PALM2AKAP2: variants seen among roughly 807,000 people sequenced by gnomAD.
The protein encoded by PALM2AKAP2 is PALM2-AKAP2 fusion protein.
In PALM2AKAP2, 37 loss-of-function variants were observed where a neutral mutation model predicts 71.5. The observed-to-expected ratio is 0.52, with a 90% CI of 0.40 to 0.68. The LOEUF is 0.68. Ranked by LOEUF, PALM2AKAP2 falls within the 30% of genes least tolerant of loss-of-function variation. The pLI is 0.00. For synonymous variants in PALM2AKAP2, 468 were observed against 478.8 expected (o/e 0.98, Z 0.29); for missense variants, 1,224 against 1,191.8 (o/e 1.03, Z -0.40).
chr9:110,137,171 G>A, exon 2 of PALM2AKAP2: 4 of 1,613,812 alleles, frequency 2.5e-6, no homozygotes, highest in Non-Finnish European at 3.4e-6. Context: ...GATTGACAAA[G>A]CAAAGGAGGA....
intron 7 of PALM2AKAP2, among the ~76,000 whole-genome samples, chr9:110,023,342 T>C (rs1333594685): frequency 7.2e-6 from 1 of 138,150 alleles, no homozygotes; most frequent in Non-Finnish European, 1.5e-5. Context: ...GAGATGGAGT[T>C]TCGCTCTTGT....
intron 1 of PALM2AKAP2, among the ~76,000 whole-genome samples, chr9:109,690,499 A>G: frequency 6.6e-6 from 1 of 152,296 alleles, no homozygotes; most frequent in East Asian, 1.9e-4. Flanking sequence ...TAATTTTGAA[A>G]TGGTCTTCTA....
intron 1 of PALM2AKAP2, among the ~76,000 whole-genome samples, chr9:109,832,651 A>G (rs1051751699): frequency 6.6e-6 from 1 of 152,202 alleles, no homozygotes; most frequent in Admixed American, 6.5e-5. Flanking sequence ...AGATGCCTTA[A>G]AAGACTTTTA....
At chr9:109,968,552 G>A (rs537450805) in intron 6 of PALM2AKAP2, among the ~76,000 whole-genome samples, 9 of 152,272 alleles carry the variant, frequency 5.9e-5, no homozygotes, top group African/African-American at 2.2e-4. Flanking sequence ...TGGCCACTCT[G>A]TTGGGTTTCA....
intron 1 of PALM2AKAP2, among the ~76,000 whole-genome samples, chr9:110,103,484 A>G (rs1835048125): frequency 6.6e-6 from 1 of 152,220 alleles, no homozygotes; most frequent in Non-Finnish European, 1.5e-5. Context: ...TCTCACTTCA[A>G]GTTTCCACAC....
chr9:109,927,588 C>G (rs888075562), intron 5 of PALM2AKAP2, among the ~76,000 whole-genome samples: 5 of 152,220 alleles, frequency 3.3e-5, no homozygotes, highest in African/African-American at 1.2e-4. Flanking sequence ...TCTCAGGTAA[C>G]CTAAGTGTGT....
At chr9:109,946,094 C>T in intron 6 of PALM2AKAP2, 1 of 152,148 alleles carries the variant, frequency 6.6e-6, no homozygotes, top group East Asian at 1.9e-4. Context: ...CCATCATTTT[C>T]TTGTCATAAT....
chr9:110,150,485 C>T (rs150259608), intron 2 of PALM2AKAP2, among the ~76,000 whole-genome samples: 105 of 152,350 alleles, frequency 6.9e-4, no homozygotes, highest in African/African-American at 2.3e-3. Context: ...TCAGATCTCT[C>T]TCTCTCTCTC....
exon 7 of PALM2AKAP2, chr9:110,015,958 C>G (rs201756748): frequency 1.9e-6 from 3 of 1,613,532 alleles, no homozygotes; most frequent in Non-Finnish European, 2.5e-6. Context: ...TTTCAGGAGT[C>G]GGGTGGGAGA....
intron 1 of PALM2AKAP2, among the ~76,000 whole-genome samples, chr9:109,721,264 T>G (rs1564124737): frequency 6.6e-6 from 1 of 152,178 alleles, no homozygotes. Context: ...GAGCTCACAC[T>G]GTGAAGGCTC....
intron 5 of PALM2AKAP2, among the ~76,000 whole-genome samples, chr9:109,929,327 T>A (rs1831035906): frequency 6.6e-6 from 1 of 152,154 alleles, no homozygotes; most frequent in African/African-American, 2.4e-5. Flanking sequence ...TTTCTGGAAA[T>A]TATCAGTGAA....
At chr9:110,058,292 T>C (rs1312742897) in intron 1 of PALM2AKAP2, among the ~76,000 whole-genome samples, 1 of 152,164 alleles carries the variant, frequency 6.6e-6, no homozygotes, top group Non-Finnish European at 1.5e-5. Flanking sequence ...AACTGAAGCA[T>C]GAAAGATTTC....
At chr9:110,126,053 C>A (rs1057226803) in intron 1 of PALM2AKAP2, among the ~76,000 whole-genome samples, 6 of 152,006 alleles carry the variant, frequency 3.9e-5, no homozygotes, top group Non-Finnish European at 7.4e-5. Context: ...TGTTTCCATG[C>A]TGTGGAACTC....
At chr9:109,850,985 G>A (rs192072650) in intron 1 of PALM2AKAP2, among the ~76,000 whole-genome samples, 21 of 152,150 alleles carry the variant, frequency 1.4e-4, no homozygotes, top group African/African-American at 4.6e-4. Flanking sequence ...AGACCATCCT[G>A]GCTAACACGG....
chr9:109,655,521 T>C (rs185601988), intron 1 of PALM2AKAP2, among the ~76,000 whole-genome samples: 1 of 152,288 alleles, frequency 6.6e-6, no homozygotes, highest in Admixed American at 6.5e-5. Context: ...ATTAACCATG[T>C]TGTGCAATCA....
chr9:109,825,365 G>C (rs1334364741), intron 1 of PALM2AKAP2, among the ~76,000 whole-genome samples: 1 of 152,194 alleles, frequency 6.6e-6, no homozygotes, highest in Non-Finnish European at 1.5e-5. Flanking sequence ...TGACAAATGG[G>C]ATCTAATTAA....
intron 3 of PALM2AKAP2, chr9:110,162,098 C>T: frequency 6.2e-7 from 1 of 1,613,990 alleles, no homozygotes; most frequent in Non-Finnish European, 8.5e-7. Flanking sequence ...TGCCAGTACA[C>T]TTCTAAGTTA....
intron 6 of PALM2AKAP2, among the ~76,000 whole-genome samples, chr9:109,938,386 G>A (rs1010462209): frequency 2.6e-5 from 4 of 152,160 alleles, no homozygotes; most frequent in Non-Finnish European, 5.9e-5. Context: ...AAGAGTGAAT[G>A]CAGAAAGGAA....
chr9:109,743,195 T>C (rs1048562965), intron 1 of PALM2AKAP2, among the ~76,000 whole-genome samples: 1 of 152,160 alleles, frequency 6.6e-6, no homozygotes. Context: ...TCTTTTTCCC[T>C]CCCTTGAAGC....
Sources: gnomAD v4.1 joint callset for allele counts (sites outside exome capture counted in the v4.1 genomes callset) on GRCh38, gnomAD v4.1.1 for gene constraint, MANE v1.5 for transcripts, NCBI Gene and HGNC (gene_info 2026-07-23, HGNC 2026-07-21) for gene names.